CTNNA3: variants seen among roughly 807,000 people sequenced by gnomAD.
CTNNA3 encodes the protein catenin alpha 3.
CTNNA3 carries 76 observed loss-of-function variants against 95.7 expected under a neutral mutation model. The ratio of observed to expected loss-of-function variants is 0.79; its 90% CI spans 0.66 to 0.96. The LOEUF is 0.96. Ranked by LOEUF, CTNNA3 falls within the 40% of genes least tolerant of loss-of-function variation. The pLI is 0.00. For missense variants in CTNNA3, 1,191 were observed against 1,089.8 expected (o/e 1.09, Z -1.31); for synonymous variants, 431 against 374.4 (o/e 1.15, Z -1.74).
intron 15 of CTNNA3, among the ~76,000 whole-genome samples, chr10:66,039,450 A>G (rs919220926): frequency 2.6e-5 from 4 of 152,234 alleles, no homozygotes; most frequent in Non-Finnish European, 4.4e-5. Context: ...GCAAAGCTGG[A>G]GGCATAGACT....
intron 12 of CTNNA3, among the ~76,000 whole-genome samples, chr10:66,322,204 G>T (rs1183822472): frequency 6.6e-6 from 1 of 152,038 alleles, no homozygotes; most frequent in African/African-American, 2.4e-5. Context: ...ACTGCTTCTG[G>T]CTTTGAGAAT....
intron 12 of CTNNA3, among the ~76,000 whole-genome samples, chr10:66,317,436 G>A (rs2092117560): frequency 6.6e-6 from 1 of 152,038 alleles, no homozygotes; most frequent in Non-Finnish European, 1.5e-5. Context: ...CACTTTGGGA[G>A]GCCGAGGTGG....
chr10:66,691,378 A>T (rs992063324), intron 9 of CTNNA3, among the ~76,000 whole-genome samples: 5 of 152,198 alleles, frequency 3.3e-5, no homozygotes, highest in Non-Finnish European at 7.4e-5. Flanking sequence ...GACTGAGATC[A>T]AACTGCGAGG....
chr10:67,348,032 AG>A (rs1842498477), intron 5 of CTNNA3, among the ~76,000 whole-genome samples: 1 of 152,208 alleles, frequency 6.6e-6, no homozygotes, highest in African/African-American at 2.4e-5. Context: ...ATCTTCAACA[AG>A]GGTGCCAAAA....
intron 7 of CTNNA3, among the ~76,000 whole-genome samples, chr10:67,119,989 T>A (rs1277007134): frequency 1.3e-5 from 2 of 151,884 alleles, no homozygotes; most frequent in African/African-American, 4.8e-5. Flanking sequence ...TGAGAACATT[T>A]CCATATCTTA....
At chr10:67,326,572 A>G (rs748887634) in intron 5 of CTNNA3, among the ~76,000 whole-genome samples, 28 of 152,144 alleles carry the variant, frequency 1.8e-4, no homozygotes, top group Non-Finnish European at 3.1e-4. Flanking sequence ...TCTGGCTTGT[A>G]TGGTTTCTGC....
intron 15 of CTNNA3, among the ~76,000 whole-genome samples, chr10:66,003,878 C>T (rs967157326): frequency 2.6e-5 from 4 of 152,224 alleles, no homozygotes; most frequent in African/African-American, 9.6e-5. Context: ...ACCTTTTGCA[C>T]TACACACATT....
At chr10:67,190,215 C>A (rs1376591280) in intron 6 of CTNNA3, among the ~76,000 whole-genome samples, 1 of 151,782 alleles carries the variant, frequency 6.6e-6, no homozygotes, top group Non-Finnish European at 1.5e-5. Flanking sequence ...TTTGAGTGAA[C>A]AATGTGGGAT....
chr10:65,996,484 T>G (rs1344636811), intron 15 of CTNNA3, among the ~76,000 whole-genome samples: 1 of 152,124 alleles, frequency 6.6e-6, no homozygotes, highest in Non-Finnish European at 1.5e-5. Context: ...GATGTAGGAA[T>G]GCAGGGGCTG....
intron 5 of CTNNA3, among the ~76,000 whole-genome samples, chr10:67,332,953 A>T (rs913706131): frequency 1.3e-5 from 2 of 152,198 alleles, no homozygotes; most frequent in African/African-American, 4.8e-5. Context: ...ACTGGATTAT[A>T]TGAAGATCCC....
intron 2 of CTNNA3, among the ~76,000 whole-genome samples, chr10:67,629,691 T>TG: frequency 6.6e-6 from 1 of 152,152 alleles, no homozygotes; most frequent in East Asian, 1.9e-4. Flanking sequence ...CATGGCCCAG[T>TG]GGTCTGGGAA....
At chr10:66,529,137 A>AT (rs1165515716) in intron 10 of CTNNA3, among the ~76,000 whole-genome samples, 1 of 151,800 alleles carries the variant, frequency 6.6e-6, no homozygotes, top group Non-Finnish European at 1.5e-5. Context: ...ATTTATTATA[A>AT]TTTTTTTGAG....
intron 9 of CTNNA3, among the ~76,000 whole-genome samples, chr10:66,691,979 G>C (rs1847562753): frequency 6.6e-6 from 1 of 152,100 alleles, no homozygotes; most frequent in Non-Finnish European, 1.5e-5. Context: ...CATCATCAAA[G>C]ACCAAAAGTA....
At chr10:67,223,067 T>C (rs1835796919) in intron 5 of CTNNA3, among the ~76,000 whole-genome samples, 1 of 152,168 alleles carries the variant, frequency 6.6e-6, no homozygotes, top group Non-Finnish European at 1.5e-5. Flanking sequence ...AAATAGCAAG[T>C]CCTTGACGCC....
At chr10:66,828,190 C>T (rs150620526) in intron 7 of CTNNA3, among the ~76,000 whole-genome samples, 23 of 152,224 alleles carry the variant, frequency 1.5e-4, no homozygotes, top group African/African-American at 5.5e-4. Context: ...AAAATTATTA[C>T]ATAAACACAA....
intron 7 of CTNNA3, among the ~76,000 whole-genome samples, chr10:66,990,457 T>C (rs193077291): frequency 3.9e-5 from 6 of 152,328 alleles, no homozygotes; most frequent in Admixed American, 2.0e-4. Context: ...CTAATCACCA[T>C]ATTATTCCAG....
intron 5 of CTNNA3, among the ~76,000 whole-genome samples, chr10:67,240,745 G>C (rs1429671175): frequency 6.6e-6 from 1 of 152,024 alleles, no homozygotes; most frequent in Non-Finnish European, 1.5e-5. Context: ...AATACACCAA[G>C]GTGAATATTA....
At chr10:65,961,605 T>A (rs2077845851) in intron 17 of CTNNA3, among the ~76,000 whole-genome samples, 2 of 152,084 alleles carry the variant, frequency 1.3e-5, no homozygotes, top group South Asian at 4.1e-4. Flanking sequence ...TGCCACCCAA[T>A]ATCCATTCTC....
At chr10:66,031,336 C>T (rs189230112) in intron 15 of CTNNA3, among the ~76,000 whole-genome samples, 79 of 152,200 alleles carry the variant, frequency 5.2e-4, no homozygotes, top group African/African-American at 1.9e-3. Flanking sequence ...GGATGAAGAA[C>T]ATATGGTTCA....
Sources: gnomAD v4.1 joint callset for allele counts (sites outside exome capture counted in the v4.1 genomes callset) on GRCh38, gnomAD v4.1.1 for gene constraint, MANE v1.5 for transcripts, NCBI Gene and HGNC (gene_info 2026-07-23, HGNC 2026-07-21) for gene names.